SEPTIN10: variants seen among roughly 807,000 people sequenced by gnomAD.
The protein encoded by SEPTIN10 is septin 10.
In SEPTIN10, 66 loss-of-function variants were observed where a neutral mutation model predicts 54.8. The observed-to-expected ratio is 1.21, with a 90% confidence interval of 0.99 to 1.48. The LOEUF is 1.48. Among genes scored for constraint, SEPTIN10 ranks in the 40% most tolerant of loss-of-function variants. The pLI is 0.00. For synonymous variants in SEPTIN10, 161 were observed against 181.0 expected (o/e 0.89, Z 0.89); for missense variants, 620 against 545.6 (o/e 1.14, Z -1.36).
rs751910491 is a variant in SEPTIN10, at chr2:109,593,044, TACTC to T, written c.99+3_99+6del. The T allele has an allele frequency of 9.9e-5, 156 of 1,569,952 alleles. No homozygotes were observed. Among genetic ancestry groups the T allele is most frequent in the Admixed American group, 2.6e-4 (14 of 53,976 alleles). On this transcript the variant is annotated splice_donor_5th_base_variant and intron_variant, in intron 2 of 10. Transcript: ENST00000397712. ...CAATATGGTATCTATTTAAAAGACA[TACTC>T]ACTATCTGTTCATCATCTGATCCTT...
intron 9 of SEPTIN10, among the ~76,000 whole-genome samples, chr2:109,549,797 T>A (rs1263898744): frequency 6.6e-6 from 1 of 152,134 alleles, no homozygotes; most frequent in East Asian, 1.9e-4. Flanking sequence ...ACAATAATAA[T>A]TAATAATAAA....
intron 1 of SEPTIN10, among the ~76,000 whole-genome samples, chr2:109,610,058 G>A (rs1698910940): frequency 1.3e-5 from 2 of 151,610 alleles, no homozygotes; most frequent in African/African-American, 4.8e-5. Context: ...ATCACTAGCT[G>A]TGATTCCTTA....
At chr2:109,577,767 GC>G (rs996693248) in intron 4 of SEPTIN10, among the ~76,000 whole-genome samples, 11 of 151,484 alleles carry the variant, frequency 7.3e-5, no homozygotes, top group Admixed American at 7.2e-4. Flanking sequence ...ACAAAAATTA[GC>G]CAGGTGGGGT....
At chr2:109,612,147 T>G (rs911670136) in intron 1 of SEPTIN10, among the ~76,000 whole-genome samples, 7 of 151,720 alleles carry the variant, frequency 4.6e-5, no homozygotes, top group Non-Finnish European at 7.4e-5. Context: ...TGCAGATATA[T>G]GCAACAACCT....
intron 5 of SEPTIN10, among the ~76,000 whole-genome samples, chr2:109,573,380 T>C (rs1250556561): frequency 6.6e-6 from 1 of 152,248 alleles, no homozygotes; most frequent in Non-Finnish European, 1.5e-5. Context: ...CTTGTTTTTA[T>C]GTTCCTTTAA....
At chr2:109,584,628 T>G (rs947044268) in intron 4 of SEPTIN10, among the ~76,000 whole-genome samples, 1 of 152,158 alleles carries the variant, frequency 6.6e-6, no homozygotes, top group Non-Finnish European at 1.5e-5. Flanking sequence ...AGGAGAAATA[T>G]TAAAACAAAT....
chr2:109,562,811 C>T (rs1323689160), intron 8 of SEPTIN10, among the ~76,000 whole-genome samples: 1 of 152,068 alleles, frequency 6.6e-6, no homozygotes, highest in Non-Finnish European at 1.5e-5. Context: ...TTAGTGAAGA[C>T]AATATCATGA....
intron 5 of SEPTIN10, among the ~76,000 whole-genome samples, chr2:109,573,534 G>A (rs1182159438): frequency 6.6e-6 from 1 of 152,186 alleles, no homozygotes. Flanking sequence ...CAAGCAACTA[G>A]TCAAAAGTAA....
At chr2:109,592,069 A>G (rs1403230587) in intron 2 of SEPTIN10, among the ~76,000 whole-genome samples, 1 of 152,200 alleles carries the variant, frequency 6.6e-6, no homozygotes, top group Non-Finnish European at 1.5e-5. Flanking sequence ...ATAAGGTGTA[A>G]TCTTGCATCA....
chr2:109,552,954 T>C, intron 9 of SEPTIN10, 133 bp downstream of exon 9: 3 of 979,036 alleles, frequency 3.1e-6, no homozygotes, highest in South Asian at 1.7e-5. Flanking sequence ...TCAAATACTA[T>C]GTGTTGGAAA....
Position 109,592,063 on chromosome 2 carries a change from G to A in SEPTIN10, c.99+988C>T, listed in dbSNP as rs188011225. The stretch of plus-strand genomic sequence containing the variant: ...TCCCCACAGACCCTTAGAAGCATAA[G>A]GTGTAATCTTGCATCAGGGAGGCAG... On this transcript the variant is annotated intron_variant, in intron 2 of 10. Coordinates refer to ENST00000397712, the MANE Select transcript of SEPTIN10 (RefSeq NM_144710.5). Among the ~76,000 whole-genome samples the A allele has an allele frequency of 3.2e-3, 480 of 152,282 alleles. 3 individuals are homozygous for A. The highest frequency in any genetic ancestry group is 0.011 in the African/African-American group (460 of 41,562).
intron 10 of SEPTIN10, chr2:109,544,988 A>G: frequency 1.0e-6 from 1 of 985,458 alleles, no homozygotes; most frequent in Non-Finnish European, 1.2e-6. Flanking sequence ...AATCTGCCAA[A>G]GTCCTGTGGT....
rs543144967 is a variant in SEPTIN10 at position 109,589,102 on chromosome 2, GTTTT to G, written c.100-3268_100-3265del. 5.6e-3 allele frequency among the ~76,000 whole-genome samples: 846 copies of G among 151,944 alleles called. 6 individuals are homozygous for G. The highest frequency in any genetic ancestry group is 0.019 in the African/African-American group (795 of 41,442). On this transcript the variant is annotated intron_variant, in intron 2 of 10. Transcript: ENST00000397712. ...CCACCACGCCTGGGTAATTTTTGTG[GTTTT>G]TTTGTTTGTTTGTTTGTTGTTGTTG...
chr2:109,599,613 A>T (rs1462217662), intron 1 of SEPTIN10, among the ~76,000 whole-genome samples: 1 of 152,172 alleles, frequency 6.6e-6, no homozygotes, highest in Non-Finnish European at 1.5e-5. Context: ...CCAGCAAAAT[A>T]GCACCTCCAT....
chr2:109,592,988 T>G (rs1469184505), intron 2 of SEPTIN10, 63 bp downstream of exon 2: 1 of 1,143,834 alleles, frequency 8.7e-7, no homozygotes, highest in Non-Finnish European at 1.2e-6. Flanking sequence ...CTCCAAGTAG[T>G]TATTTTAAAA....
chr2:109,584,704 G>A (rs1692066487), intron 4 of SEPTIN10, among the ~76,000 whole-genome samples: 1 of 151,998 alleles, frequency 6.6e-6, no homozygotes, highest in African/African-American at 2.4e-5. Context: ...GATTAATAAT[G>A]TAACTGGCTA....
At chr2:109,586,506 G>A (rs576170058) in intron 2 of SEPTIN10, among the ~76,000 whole-genome samples, 1 of 152,312 alleles carries the variant, frequency 6.6e-6, no homozygotes, top group East Asian at 1.9e-4. Context: ...TTGGAGATTG[G>A]GGCAGGCAGA....
At chr2:109,577,816 G>A (rs1263289258) in intron 4 of SEPTIN10, among the ~76,000 whole-genome samples, 1 of 150,412 alleles carries the variant, frequency 6.6e-6, no homozygotes, top group African/African-American at 2.4e-5. Flanking sequence ...AGGAGGCTGA[G>A]GCTTAAGAAT....
intron 4 of SEPTIN10, among the ~76,000 whole-genome samples, chr2:109,584,403 A>G (rs1327957628): frequency 1.5e-5 from 2 of 129,750 alleles, no homozygotes; most frequent in African/African-American, 5.9e-5. Context: ...TGAACTGGGG[A>G]GGTGGAGGTT....
Sources: allele counts gnomAD v4.1 joint callset (sites outside exome capture counted in the v4.1 genomes callset), GRCh38; gene constraint gnomAD v4.1.1; transcripts MANE v1.5; gene names NCBI Gene and HGNC (gene_info 2026-07-23, HGNC 2026-07-21).